The following MAST4 variants were observed in gnomAD, a reference collection of about 807,000 sequenced individuals.
The protein encoded by MAST4 is microtubule associated serine/threonine kinase family member 4.
A neutral mutation model predicts 162.7 loss-of-function variants in MAST4; 89 were observed. The observed-to-expected ratio is 0.55, with a 90% CI of 0.46 to 0.65. MAST4 has a LOEUF of 0.65. MAST4 is among the 30% of genes least tolerant of loss of function. MAST4 has a pLI of 0.00. For missense variants in MAST4, 3,153 were observed against 3,374.0 expected, an observed-to-expected ratio of 0.93 and a Z score of 1.62; for synonymous variants, 1,479 against 1,361.1, an observed-to-expected ratio of 1.09 and a Z score of -1.91.
At chr5:66,824,758 C>T (rs1257176549) in intron 3 of MAST4, among the ~76,000 whole-genome samples, 1 of 152,168 alleles carries the variant, frequency 6.6e-6, no homozygotes, top group Non-Finnish European at 1.5e-5. Flanking sequence ...GCCTATTGCT[C>T]CTAGTCTACA....
At chr5:66,942,279 A>G (rs1036676160) in intron 4 of MAST4, among the ~76,000 whole-genome samples, 13 of 152,134 alleles carry the variant, frequency 8.5e-5, no homozygotes, top group African/African-American at 3.1e-4. Flanking sequence ...AGCTTTCACA[A>G]CATATTCTAA....
intron 1 of MAST4, among the ~76,000 whole-genome samples, chr5:66,729,210 G>T (rs967711005): frequency 1.3e-5 from 2 of 152,190 alleles, no homozygotes; most frequent in African/African-American, 4.8e-5. Flanking sequence ...TATGAATTTT[G>T]TACTGTGATT....
intron 3 of MAST4, among the ~76,000 whole-genome samples, chr5:66,796,222 T>C (rs559632255): frequency 2.0e-5 from 3 of 152,314 alleles, no homozygotes; most frequent in African/African-American, 7.2e-5. Flanking sequence ...TAAATGTGTA[T>C]TCTGATTGTA....
chr5:66,989,617 A>T (rs925077666), intron 4 of MAST4, among the ~76,000 whole-genome samples: 2 of 152,188 alleles, frequency 1.3e-5, no homozygotes, highest in Non-Finnish European at 2.9e-5. Flanking sequence ...ACATTTTGAA[A>T]CCAGCTCCCT....
intron 3 of MAST4, among the ~76,000 whole-genome samples, chr5:66,809,597 A>G (rs915353589): frequency 2.6e-5 from 4 of 152,244 alleles, no homozygotes; most frequent in Admixed American, 1.3e-4. Context: ...AGTGATATGT[A>G]TACAATATTA....
chr5:67,021,834 A>G (rs1754019548), intron 4 of MAST4, among the ~76,000 whole-genome samples: 2 of 152,158 alleles, frequency 1.3e-5, no homozygotes, highest in Non-Finnish European at 2.9e-5. Context: ...TTATTTTAAA[A>G]AATGTATTGA....
intron 1 of MAST4, among the ~76,000 whole-genome samples, chr5:66,681,181 A>G (rs1391734856): frequency 1.3e-5 from 2 of 152,248 alleles, no homozygotes; most frequent in Non-Finnish European, 2.9e-5. Context: ...AGCACTTTTC[A>G]CAGTGACAGT....
chr5:66,621,896 G>T (rs1000013841), intron 1 of MAST4, among the ~76,000 whole-genome samples: 2 of 152,184 alleles, frequency 1.3e-5, no homozygotes, highest in Non-Finnish European at 2.9e-5. Context: ...CAGGCTTTGT[G>T]GGCCAGATGG....
At chr5:66,597,056 C>T (rs1742226459) in intron 1 of MAST4, 38 bp downstream of exon 1, 3 of 1,381,548 alleles carry the variant, frequency 2.2e-6, no homozygotes, top group Non-Finnish European at 2.8e-6. Flanking sequence ...TGGGTTCCGG[C>T]AGCCGGGCGA....
chr5:66,762,958 G>A (rs1753918655), intron 2 of MAST4, among the ~76,000 whole-genome samples: 1 of 152,186 alleles, frequency 6.6e-6, no homozygotes, highest in Admixed American at 6.5e-5. Flanking sequence ...AATATTAAAA[G>A]CTTACTGTGT....
At position 67,165,858 on chromosome 5, in the gene MAST4, C is replaced by T; in HGVS notation, c.6679C>T (p.Pro2227Ser). Residue 2227 changes from proline (P) to serine (S), a missense_variant, in exon 29 of 29, where the codon CCT becomes TCT. Transcript: ENST00000403625. Reference sequence around the variant, plus strand: ...TGTCGGGGCCACAAAGGGCAAAGAGCCTGCCACTCAGTCCCTCGGTGGCTC... The same window carrying T: ...TGTCGGGGCCACAAAGGGCAAAGAGTCTGCCACTCAGTCCCTCGGTGGCTC... ...PSVGATKGKEPATQSLGGSSR... is the reference protein window; with the variant it reads ...PSVGATKGKESATQSLGGSSR... The T allele has an allele frequency of 6.2e-7, 1 of 1,613,264 alleles. No homozygotes were observed. Among genetic ancestry groups the T allele is most frequent in the Non-Finnish European group, 8.5e-7 (1 of 1,179,898 alleles).
chr5:66,940,573 C>T (rs966612143), intron 4 of MAST4, among the ~76,000 whole-genome samples: 3 of 152,230 alleles, frequency 2.0e-5, no homozygotes, highest in Admixed American at 6.5e-5. Context: ...ACTCTTCATC[C>T]ATTCAAGTTT....
chr5:66,734,311 G>A (rs1752034582), intron 1 of MAST4, among the ~76,000 whole-genome samples: 1 of 152,176 alleles, frequency 6.6e-6, no homozygotes, highest in Non-Finnish European at 1.5e-5. Context: ...GGTACATACT[G>A]TTATTGGCTG....
intron 3 of MAST4, among the ~76,000 whole-genome samples, chr5:66,852,203 C>T (rs918333680): frequency 1.3e-5 from 2 of 152,066 alleles, no homozygotes; most frequent in Non-Finnish European, 2.9e-5. Context: ...GCTGGAGTGC[C>T]GTGGTGCAAT....
intron 1 of MAST4, among the ~76,000 whole-genome samples, chr5:66,670,650 CT>C (rs1747546550): frequency 6.6e-6 from 1 of 151,954 alleles, no homozygotes; most frequent in Non-Finnish European, 1.5e-5. Context: ...GTGTATCTCA[CT>C]AGAACTATTT....
At chr5:66,602,806 G>A (rs1230479519) in intron 1 of MAST4, among the ~76,000 whole-genome samples, 4 of 152,222 alleles carry the variant, frequency 2.6e-5, no homozygotes, top group African/African-American at 7.2e-5. Flanking sequence ...CTAGCAGCCA[G>A]TGTTTCCCTG....
chr5:67,083,516 C>G (rs905771345), intron 5 of MAST4, among the ~76,000 whole-genome samples: 1 of 152,146 alleles, frequency 6.6e-6, no homozygotes, highest in Admixed American at 6.5e-5. Context: ...AACAAACAGT[C>G]TGAGAAAAAC....
At chr5:66,864,165 A>G (rs867896022) in intron 3 of MAST4, among the ~76,000 whole-genome samples, 57 of 152,046 alleles carry the variant, frequency 3.7e-4, no homozygotes, top group African/African-American at 1.3e-3. Context: ...AAACATACAT[A>G]TACAGTATTA....
intron 26 of MAST4, among the ~76,000 whole-genome samples, chr5:67,159,404 G>A (rs1772929136): frequency 6.6e-6 from 1 of 152,054 alleles, no homozygotes; most frequent in South Asian, 2.1e-4. Flanking sequence ...AATCAAGGGG[G>A]AAGGTAGATG....
Sources: allele counts gnomAD v4.1 joint callset (sites outside exome capture counted in the v4.1 genomes callset), GRCh38; gene constraint gnomAD v4.1.1; transcripts MANE v1.5; gene names NCBI Gene and HGNC (gene_info 2026-07-23, HGNC 2026-07-21).